The following HECW2 variants were observed in gnomAD, a reference collection of about 807,000 sequenced individuals.
HECW2 encodes the protein E3 ubiquitin-protein ligase HECW2.
In HECW2, 61 loss-of-function variants were observed where a neutral mutation model predicts 175.2. That is an observed-to-expected ratio of 0.35 (90% CI 0.28 to 0.43). The LOEUF is 0.43. Ranked by LOEUF, HECW2 falls within the 20% of genes least tolerant of loss-of-function variation. The pLI is 1.00. For synonymous variants in HECW2, 671 were observed against 731.0 expected (o/e 0.92, Z 1.32); for missense variants, 1,524 against 2,000.5 (o/e 0.76, Z 4.54).
chr2:196,303,828 G>C (rs1014506564), intron 13 of HECW2, among the ~76,000 whole-genome samples: 1 of 151,940 alleles, frequency 6.6e-6, no homozygotes, highest in Non-Finnish European at 1.5e-5. Context: ...AGCTACAGTT[G>C]CTCCTTCTTG....
chr2:196,491,432 T>C (rs1489016947), intron 1 of HECW2, among the ~76,000 whole-genome samples: 1 of 145,980 alleles, frequency 6.9e-6, no homozygotes, highest in Non-Finnish European at 1.5e-5. Flanking sequence ...ATTGTGTGTA[T>C]ATACACACAT....
At chr2:196,398,863 A>G (rs1694742396) in intron 2 of HECW2, among the ~76,000 whole-genome samples, 1 of 152,118 alleles carries the variant, frequency 6.6e-6, no homozygotes, top group Non-Finnish European at 1.5e-5. Flanking sequence ...AGTCCCAGCT[A>G]CTTGCATTTG....
At chr2:196,477,223 A>G (rs1179246013) in intron 1 of HECW2, among the ~76,000 whole-genome samples, 1 of 152,134 alleles carries the variant, frequency 6.6e-6, no homozygotes, top group Non-Finnish European at 1.5e-5. Flanking sequence ...ATACATGCAA[A>G]TGAGAAATTG....
chr2:196,250,874 G>A (rs780848547), intron 19 of HECW2, among the ~76,000 whole-genome samples: 13 of 151,716 alleles, frequency 8.6e-5, no homozygotes, highest in Non-Finnish European at 1.5e-4. Flanking sequence ...TCCAGATTTC[G>A]TGAAAAGAGC....
Position 196,242,022 on chromosome 2 carries a change from C to T in HECW2, c.3650+62G>A, listed in dbSNP as rs977182465. On this transcript the variant is annotated intron_variant, in intron 20 of 28. Coordinates refer to ENST00000644978, the MANE Select transcript of HECW2 (RefSeq NM_001348768.2). ...CAAATCACAATCAATTTCCTAGAGG[C>T]CCAACTGTGCCCTCTCCTTTCACCA... 2.0e-6 allele frequency: 3 copies of T among 1,504,596 alleles called. No individual in the cohort carries two copies. In the African/African-American group the frequency reaches 4.1e-5, roughly 21 times the overall value. 93.2% of individuals were successfully genotyped at this position (1,504,596 alleles called of 1,614,324 possible).
At chr2:196,368,966 T>C (rs956101843) in intron 2 of HECW2, among the ~76,000 whole-genome samples, 8 of 152,154 alleles carry the variant, frequency 5.3e-5, no homozygotes, top group African/African-American at 1.4e-4. Flanking sequence ...CTCTCCAGGA[T>C]TGGTCACCAG....
chr2:196,498,928 A>G (rs147480085), intron 1 of HECW2, among the ~76,000 whole-genome samples: 223 of 152,252 alleles, frequency 1.5e-3, no homozygotes, highest in African/African-American at 5.0e-3. Flanking sequence ...TGCCACCCAG[A>G]CTGGTAACAT....
chr2:196,559,306 G>A (rs1230391871), intron 1 of HECW2, among the ~76,000 whole-genome samples: 2 of 152,166 alleles, frequency 1.3e-5, no homozygotes, highest in Non-Finnish European at 2.9e-5. Context: ...CAGCCCATCA[G>A]AGTCCTACCT....
intron 1 of HECW2, among the ~76,000 whole-genome samples, chr2:196,568,383 T>C (rs2125509616): frequency 6.6e-6 from 1 of 152,272 alleles, no homozygotes; most frequent in African/African-American, 2.4e-5. Flanking sequence ...ACCTGAAGTG[T>C]GAGTAAAATA....
intron 2 of HECW2, among the ~76,000 whole-genome samples, chr2:196,413,351 T>C (rs567972391): frequency 6.6e-6 from 1 of 151,380 alleles, no homozygotes; most frequent in South Asian, 2.1e-4. Flanking sequence ...CAAGACCCTG[T>C]CTTTTTTTTT....
intron 1 of HECW2, among the ~76,000 whole-genome samples, chr2:196,583,385 G>A (rs867796786): frequency 6.6e-6 from 1 of 152,176 alleles, no homozygotes; most frequent in Non-Finnish European, 1.5e-5. Context: ...AAATTTCTGA[G>A]TTCTGATGAT....
chr2:196,573,237 A>C (rs1690446883), intron 1 of HECW2, among the ~76,000 whole-genome samples: 2 of 150,452 alleles, frequency 1.3e-5, no homozygotes, highest in Non-Finnish European at 2.9e-5. Flanking sequence ...AAAAGCAATA[A>C]GAATGCTGAC....
chr2:196,366,293 A>G (rs189102644), intron 2 of HECW2, among the ~76,000 whole-genome samples: 39 of 152,326 alleles, frequency 2.6e-4, no homozygotes, highest in Middle Eastern at 3.4e-3. Flanking sequence ...AAAGTTTTTC[A>G]GTTTTATCTG....
chr2:196,310,239 C>T (rs1297714752), intron 10 of HECW2, among the ~76,000 whole-genome samples: 2 of 152,018 alleles, frequency 1.3e-5, no homozygotes, highest in African/African-American at 4.8e-5. Flanking sequence ...AAACAAGGAC[C>T]AAAAATTTGC....
At chr2:196,387,780 G>C (rs1694391872) in intron 2 of HECW2, among the ~76,000 whole-genome samples, 1 of 152,100 alleles carries the variant, frequency 6.6e-6, no homozygotes, top group African/African-American at 2.4e-5. Flanking sequence ...AGACCACTGG[G>C]GTCTGTGTGG....
At chr2:196,474,740 T>C (rs1686496588) in intron 1 of HECW2, among the ~76,000 whole-genome samples, 2 of 152,220 alleles carry the variant, frequency 1.3e-5, no homozygotes, top group South Asian at 4.1e-4. Flanking sequence ...GATTGATTCC[T>C]ACAAGGTACA....
chr2:196,402,803 ATTTTT>A (rs369586280), intron 2 of HECW2, among the ~76,000 whole-genome samples: 2 of 123,622 alleles, frequency 1.6e-5, no homozygotes, highest in Admixed American at 9.0e-5. Flanking sequence ...TGCCTTGGGA[ATTTTT>A]TTTTTTTTTT....
intron 1 of HECW2, among the ~76,000 whole-genome samples, chr2:196,570,970 A>G (rs1690365127): frequency 1.3e-5 from 2 of 152,208 alleles, no homozygotes; most frequent in Admixed American, 1.3e-4. Flanking sequence ...CAAAGAACGT[A>G]TGGCCACTCA....
intron 1 of HECW2, among the ~76,000 whole-genome samples, chr2:196,443,655 T>C (rs940411435): frequency 1.3e-5 from 2 of 152,226 alleles, no homozygotes; most frequent in Non-Finnish European, 2.9e-5. Flanking sequence ...CATAGTCTAT[T>C]CAAGTGTCAA....
Sources: allele counts gnomAD v4.1 joint callset (sites outside exome capture counted in the v4.1 genomes callset), GRCh38; gene constraint gnomAD v4.1.1; transcripts MANE v1.5; gene names NCBI Gene and HGNC (gene_info 2026-07-23, HGNC 2026-07-21).